The following FBLN1 variants were observed in gnomAD, a reference collection of about 807,000 sequenced individuals.
FBLN1 encodes the protein fibulin-1.
In FBLN1, 34 loss-of-function variants were observed where a neutral mutation model predicts 89.7. That is an observed-to-expected ratio of 0.38 (90% CI 0.29 to 0.50). FBLN1 has a LOEUF of 0.50. Ranked by LOEUF, FBLN1 falls within the 20% of genes least tolerant of loss-of-function variation. FBLN1 has a pLI of 0.92. For missense variants in FBLN1, 777 were observed against 988.1 expected, an observed-to-expected ratio of 0.79 and a Z score of 2.86; for synonymous variants, 393 against 391.3, an observed-to-expected ratio of 1.00 and a Z score of -0.05.
chr22:45,566,682 G>T (rs1162866453), intron 14 of FBLN1, among the ~76,000 whole-genome samples: 2 of 152,178 alleles, frequency 1.3e-5, no homozygotes, highest in African/African-American at 4.8e-5. Flanking sequence ...GTGAGTGTGG[G>T]TTTCTTCATT....
intron 1 of FBLN1, chr22:45,517,729 TC>T (rs769963883): frequency 3.0e-4 from 127 of 430,360 alleles, no homozygotes; most frequent in African/African-American, 2.4e-3. Flanking sequence ...ATCACCAGCC[TC>T]GGTTTCCTCA....
intron 2 of FBLN1, among the ~76,000 whole-genome samples, chr22:45,525,235 G>GA (rs2088309783): frequency 2.0e-5 from 3 of 152,252 alleles, no homozygotes; most frequent in Admixed American, 2.0e-4. Flanking sequence ...GAAAAGAAAA[G>GA]AAAGAAAGAG....
chr22:45,502,990 A>G lies in FBLN1; in HGVS notation c.5A>G (p.Glu2Gly). 8.2e-7 allele frequency: 1 copy of G among 1,215,348 alleles called. No individual in the cohort carries two copies. The allele number at this position is 1,215,348 out of a possible 1,614,324, so 75.3% of individuals were successfully genotyped here. The change falls in exon 1 of 17, where the codon GAG becomes GGG. Residue 2 changes from glutamate (E) to glycine (G), a missense_variant. Glu to Gly is a moderately conservative substitution (Grantham distance 98). Coordinates refer to ENST00000327858, the MANE Select transcript of FBLN1 (RefSeq NM_006486.3). ...ACCGCCCGTCGCCCGCCGCCCATGGAGCGCGCCGCGCCGTCGCGCCGGGTC... is the reference window on the plus strand; with the variant it reads ...ACCGCCCGTCGCCCGCCGCCCATGGGGCGCGCCGCGCCGTCGCGCCGGGTC... The part of the protein sequence containing the change: M[E>G]RAAPSRRVPL...
In FBLN1 at chr22:45,530,828, A is replaced by G. The variant is rs941843891; in HGVS notation, c.485-437A>G. ...GCCCAGGCTGGAGTGCAATGGTGTG[A>G]TCTTGACTCACTGCAACCTCCGACT... On this transcript the variant is annotated intron_variant, in intron 4 of 16. Coordinates refer to ENST00000327858, the MANE Select transcript of FBLN1 (RefSeq NM_006486.3). This position sits in a 1 kb window ranked among gnomAD's most constrained non-coding sequence, Gnocchi z 5.4. Among the ~76,000 whole-genome samples the G allele has an allele frequency of 2.6e-5, 4 of 151,760 alleles. No homozygotes were observed. The highest frequency in any genetic ancestry group is 5.9e-5 in the Non-Finnish European group (4 of 67,974).
At position 45,581,424 on chromosome 22, in the gene FBLN1, T is replaced by C. The variant is rs374552173; in HGVS notation, c.1972+4316T>C. Reference sequence around the variant, plus strand: ...CTGCTCCAGGGTCATGGCTGTGTGATAGGAGGGCCTGGCCTGCAAAAACGC... The same window carrying C: ...CTGCTCCAGGGTCATGGCTGTGTGACAGGAGGGCCTGGCCTGCAAAAACGC... On this transcript the variant is annotated intron_variant, in intron 16 of 16. Coordinates refer to ENST00000327858, the MANE Select transcript of FBLN1 (RefSeq NM_006486.3). This position sits in a 1 kb window ranked among gnomAD's most constrained non-coding sequence, Gnocchi z 7.6. Among the ~76,000 whole-genome samples the C allele has an allele frequency of 1.2e-4, 19 of 152,130 alleles. No homozygotes were observed. The highest frequency in any genetic ancestry group is 4.3e-4 in the African/African-American group (18 of 41,536).
rs568393217 is a variant in FBLN1, at chr22:45,506,233, C to A, written c.79+3169C>A. On this transcript the variant is annotated intron_variant, in intron 1 of 16. Coordinates refer to ENST00000327858, the MANE Select transcript of FBLN1 (RefSeq NM_006486.3). ...GAAGAGCGCAATTCTGCCAATACCCCAGAATTGTTTTCCCCAAGATGCCTC... is the reference window on the plus strand; with the variant it reads ...GAAGAGCGCAATTCTGCCAATACCCAAGAATTGTTTTCCCCAAGATGCCTC... Among the ~76,000 whole-genome samples, 52 of 152,292 alleles carry A rather than the reference C, an allele frequency of 3.4e-4. 1 individual carries two copies. The South Asian group carries it at 1.0e-2, about 29-fold the overall frequency.
At position 45,578,383 on chromosome 22, in the gene FBLN1, TGC is replaced by T. The variant is rs2089016033; in HGVS notation, c.1972+1278_1972+1279del. 6.6e-6 allele frequency: 1 copy of T among 152,254 alleles called. No individual in the cohort carries two copies. The highest frequency in any genetic ancestry group is 2.1e-4 in the South Asian group (1 of 4,832). The allele number at this position is 152,254 out of a possible 1,614,324, so 9.4% of individuals were successfully genotyped here. A position where few individuals can be genotyped will look rare whatever the true frequency, so the allele number is the denominator to read the frequency against. ...GGGGCTCCCCACCCCAGCCTCCTCC[TGC>T]GCTAGCTGGCAGCAGGAATAATTAG... On this transcript the variant is annotated intron_variant, in intron 16 of 16. Transcript: ENST00000327858. The surrounding 1 kb of genome is among the most constrained non-coding windows in gnomAD (Gnocchi z 4.6).
chr22:45,576,547 C>A lies in FBLN1; in HGVS notation c.1841-430C>A, dbSNP rs1278043612. On this transcript the variant is annotated intron_variant, in intron 15 of 16. Coordinates refer to ENST00000327858, the MANE Select transcript of FBLN1 (RefSeq NM_006486.3). The surrounding 1 kb of genome is among the most constrained non-coding windows in gnomAD (Gnocchi z 5.2). ...CACACCCCCCAGAGAACCCAGGCCA[C>A]CGCTCAGGGTGGCCCCCCTGACCTG... 2.0e-5 allele frequency among the ~76,000 whole-genome samples: 3 copies of A among 152,112 alleles called. No individual in the cohort carries two copies. Among genetic ancestry groups the A allele is most frequent in the Admixed American group, 2.0e-4 (3 of 15,284 alleles).
intron 14 of FBLN1, among the ~76,000 whole-genome samples, chr22:45,571,555 G>A (rs2088953469): frequency 6.6e-6 from 1 of 152,202 alleles, no homozygotes; most frequent in Non-Finnish European, 1.5e-5. Flanking sequence ...CTTTAGAATT[G>A]TTATCCTGAG....
chr22:45,559,496 G>A (rs1357165986), intron 14 of FBLN1, among the ~76,000 whole-genome samples: 1 of 152,148 alleles, frequency 6.6e-6, no homozygotes, highest in Non-Finnish European at 1.5e-5. Flanking sequence ...AACCATAAAA[G>A]CCCTCACCCT....
chr22:45,593,582 C>T (rs943177852), intron 16 of FBLN1, among the ~76,000 whole-genome samples: 2 of 152,010 alleles, frequency 1.3e-5, no homozygotes, highest in African/African-American at 4.8e-5. Flanking sequence ...TCTGGGGCTT[C>T]GGAAAGGTAG....
intron 2 of FBLN1, among the ~76,000 whole-genome samples, chr22:45,522,349 T>C (rs541120565): frequency 1.3e-5 from 2 of 152,330 alleles, no homozygotes; most frequent in South Asian, 4.1e-4. Context: ...TCAGTTTTTG[T>C]TCATTCAACA....
At chr22:45,593,817 TTTC>T (rs1162606183) in intron 16 of FBLN1, among the ~76,000 whole-genome samples, 2 of 152,184 alleles carry the variant, frequency 1.3e-5, no homozygotes, top group African/African-American at 2.4e-5. Flanking sequence ...TTCACTCTCT[TTTC>T]TTCTTCTTCT....
intron 5 of FBLN1, 43 bp from the exon 6 acceptor site, chr22:45,533,020 C>T (rs774776442): frequency 1.3e-6 from 2 of 1,559,918 alleles, no homozygotes; most frequent in Admixed American, 3.3e-5. Flanking sequence ...CCAGGCGGTG[C>T]CTGGGTGCGT....
At chr22:45,586,491 G>A (rs1453202785) in intron 16 of FBLN1, among the ~76,000 whole-genome samples, 2 of 152,238 alleles carry the variant, frequency 1.3e-5, no homozygotes, top group Non-Finnish European at 2.9e-5. Flanking sequence ...CACCGTGGAC[G>A]GGACCGTCAT....
chr22:45,521,294 T>C (rs904566824), intron 2 of FBLN1, among the ~76,000 whole-genome samples: 1 of 152,124 alleles, frequency 6.6e-6, no homozygotes, highest in Non-Finnish European at 1.5e-5. Context: ...GTATCGTGAG[T>C]TTCCATATGA....
Position 45,568,358 on chromosome 22 carries a change from A to C in FBLN1, c.1698-6153A>C, listed in dbSNP as rs372768948. Reference sequence around the variant, plus strand: ...AGAAGTCCAAAATCAAGGTGTCAGCAGGGCTGCACTTCCTCTGAAACCTCT... The same window carrying C: ...AGAAGTCCAAAATCAAGGTGTCAGCCGGGCTGCACTTCCTCTGAAACCTCT... On this transcript the variant is annotated intron_variant, in intron 14 of 16. Coordinates refer to ENST00000327858, the MANE Select transcript of FBLN1 (RefSeq NM_006486.3). Among the ~76,000 whole-genome samples the C allele has an allele frequency of 8.4e-4, 128 of 152,068 alleles. 2 individuals are homozygous for C. In the South Asian group the frequency reaches 0.026, roughly 30 times the overall value.
intron 1 of FBLN1, among the ~76,000 whole-genome samples, chr22:45,515,845 C>T (rs1569234721): frequency 1.3e-5 from 2 of 152,204 alleles, no homozygotes; most frequent in Admixed American, 1.3e-4. Context: ...CGCTGCCTGC[C>T]CAGGGTTAGA....
intron 12 of FBLN1, 125 bp downstream of exon 12, chr22:45,547,329 C>A: frequency 2.4e-6 from 3 of 1,251,184 alleles, no homozygotes; most frequent in Non-Finnish European, 3.4e-6. Context: ...CCTGACAAAC[C>A]TTCCATGTCC....
Sources: allele counts gnomAD v4.1 joint callset (sites outside exome capture counted in the v4.1 genomes callset), GRCh38; gene constraint gnomAD v4.1.1; non-coding constraint Gnocchi (gnomAD v3.1); transcripts MANE v1.5; gene names NCBI Gene and HGNC (gene_info 2026-07-23, HGNC 2026-07-21).